The following POU6F2 variants were observed in gnomAD, a reference collection of about 807,000 sequenced individuals.
POU6F2 encodes POU class 6 homeobox 2.
Under a neutral mutation model 71.3 loss-of-function variants are expected in POU6F2, and 31 were observed. The ratio of observed to expected loss-of-function variants is 0.43; its 90% CI spans 0.33 to 0.59. POU6F2 has a LOEUF of 0.59. Ranked by LOEUF, POU6F2 falls within the 20% of genes least tolerant of loss-of-function variation. The pLI is 0.04. For synonymous variants in POU6F2, 347 were observed against 355.7 expected (o/e 0.98, Z 0.27); for missense variants, 783 against 856.8 (o/e 0.91, Z 1.07).
intron 1 of POU6F2, among the ~76,000 whole-genome samples, chr7:38,998,200 C>A (rs1341795777): frequency 6.6e-6 from 1 of 152,208 alleles, no homozygotes; most frequent in African/African-American, 2.4e-5. Context: ...AATATATGCA[C>A]TTAATTATTG....
At chr7:39,179,482 A>G (rs1192957720) in intron 2 of POU6F2, among the ~76,000 whole-genome samples, 3 of 152,222 alleles carry the variant, frequency 2.0e-5, no homozygotes, top group African/African-American at 7.2e-5. Flanking sequence ...GCCCAATTGA[A>G]TCTTTGCTAT....
chr7:38,985,414 A>G (rs760685639), intron 1 of POU6F2, among the ~76,000 whole-genome samples: 2 of 152,222 alleles, frequency 1.3e-5, no homozygotes, highest in South Asian at 2.1e-4. Flanking sequence ...CTTTGGGCCG[A>G]AACAATTTTA....
At chr7:39,198,989 A>G (rs1284248556) in intron 2 of POU6F2, among the ~76,000 whole-genome samples, 1 of 152,242 alleles carries the variant, frequency 6.6e-6, no homozygotes, top group Non-Finnish European at 1.5e-5. Flanking sequence ...ACTGGTGGAA[A>G]CTGCAAACAG....
chr7:39,400,046 A>C (rs1434895797), intron 5 of POU6F2, among the ~76,000 whole-genome samples: 1 of 152,134 alleles, frequency 6.6e-6, no homozygotes, highest in Non-Finnish European at 1.5e-5. Flanking sequence ...TGCTGAAATC[A>C]TTGGCCACTG....
intron 6 of POU6F2, among the ~76,000 whole-genome samples, chr7:39,416,814 T>TAAAAAAAAA (rs531942673): frequency 1.0e-3 from 143 of 142,486 alleles, no homozygotes; most frequent in African/African-American, 3.5e-3. Context: ...GTTAAAAATG[T>TAAAAAAAAA]AAAAAAAAAA....
intron 2 of POU6F2, among the ~76,000 whole-genome samples, chr7:39,122,983 C>T (rs1792075237): frequency 6.6e-6 from 1 of 152,166 alleles, no homozygotes; most frequent in Non-Finnish European, 1.5e-5. Flanking sequence ...AGCCACCGCA[C>T]CCGGTGATAT....
At chr7:39,150,010 C>G (rs1792717499) in intron 2 of POU6F2, among the ~76,000 whole-genome samples, 1 of 151,934 alleles carries the variant, frequency 6.6e-6, no homozygotes, top group Admixed American at 6.6e-5. Flanking sequence ...CTCAGCCTCC[C>G]GAGTAGCTGG....
At chr7:39,381,176 T>C (rs1222478762) in intron 5 of POU6F2, among the ~76,000 whole-genome samples, 1 of 152,190 alleles carries the variant, frequency 6.6e-6, no homozygotes, top group Admixed American at 6.5e-5. Flanking sequence ...GTGATTCTCC[T>C]GCCTCAGCCA....
At chr7:39,376,894 T>C (rs1446565716) in intron 5 of POU6F2, among the ~76,000 whole-genome samples, 1 of 149,656 alleles carries the variant, frequency 6.7e-6, no homozygotes, top group African/African-American at 2.4e-5. Context: ...TTAATATTTA[T>C]TCAGTATTTT....
At chr7:39,351,257 A>T (rs1279314691) in intron 5 of POU6F2, among the ~76,000 whole-genome samples, 1 of 152,198 alleles carries the variant, frequency 6.6e-6, no homozygotes, top group African/African-American at 2.4e-5. Flanking sequence ...ATTTTATGAT[A>T]TAATAAGACT....
chr7:39,247,028 C>T (rs1226464063), intron 4 of POU6F2, among the ~76,000 whole-genome samples: 1 of 150,248 alleles, frequency 6.7e-6, no homozygotes, highest in Non-Finnish European at 1.5e-5. Flanking sequence ...AGCCTGTAAC[C>T]ACTCTGACTG....
intron 1 of POU6F2, among the ~76,000 whole-genome samples, chr7:39,021,217 C>T (rs1004556465): frequency 3.3e-5 from 5 of 151,876 alleles, no homozygotes; most frequent in African/African-American, 7.2e-5. Flanking sequence ...AAAACCTTAT[C>T]TATTTCAATT....
rs1794533415 is a variant in POU6F2, at chr7:39,229,483, T to G, written c.598+21863T>G. ...CACTTGCTCATCCCGAGGTTTAATTTCCCAACAATGATTCCAGAAACACGT... is the reference window on the plus strand; with the variant it reads ...CACTTGCTCATCCCGAGGTTTAATTGCCCAACAATGATTCCAGAAACACGT... On this transcript the variant is annotated intron_variant, in intron 4 of 9. Transcript: ENST00000518318. Among the ~76,000 whole-genome samples the G allele has an allele frequency of 3.9e-5, 6 of 152,334 alleles. No individual in the cohort carries two copies. In the South Asian group the frequency reaches 1.2e-3, roughly 32 times the overall value.
intron 1 of POU6F2, among the ~76,000 whole-genome samples, chr7:38,986,834 C>A (rs1454110424): frequency 6.6e-6 from 1 of 152,142 alleles, no homozygotes; most frequent in Admixed American, 6.5e-5. Flanking sequence ...GCAATCCTTA[C>A]ACAACCCAAG....
At chr7:39,261,950 G>A (rs2128754708) in intron 4 of POU6F2, among the ~76,000 whole-genome samples, 1 of 152,222 alleles carries the variant, frequency 6.6e-6, no homozygotes, top group African/African-American at 2.4e-5. Context: ...TAGGCCTGTG[G>A]GAATCAGCTG....
chr7:39,100,046 GC>G, intron 2 of POU6F2, among the ~76,000 whole-genome samples: 1 of 152,312 alleles, frequency 6.6e-6, no homozygotes, highest in Non-Finnish European at 1.5e-5. Flanking sequence ...GCTCTTTTCT[GC>G]CCCTAAATGG....
intron 5 of POU6F2, among the ~76,000 whole-genome samples, chr7:39,383,776 C>G (rs1409509963): frequency 6.6e-6 from 1 of 152,216 alleles, no homozygotes; most frequent in African/African-American, 2.4e-5. Flanking sequence ...AAAGCTACAG[C>G]CATTACCAAA....
intron 4 of POU6F2, among the ~76,000 whole-genome samples, chr7:39,317,442 C>T (rs1248691446): frequency 6.6e-6 from 1 of 152,184 alleles, no homozygotes; most frequent in African/African-American, 2.4e-5. Context: ...TACATGGTGC[C>T]TGAACAAATG....
intron 4 of POU6F2, among the ~76,000 whole-genome samples, chr7:39,273,442 G>C (rs945667409): frequency 7.9e-5 from 12 of 152,292 alleles, no homozygotes; most frequent in South Asian, 6.2e-4. Flanking sequence ...GTCGAATCAA[G>C]ATTAAAACAT....
Sources: gnomAD v4.1 joint callset for allele counts (sites outside exome capture counted in the v4.1 genomes callset) on GRCh38, gnomAD v4.1.1 for gene constraint, MANE v1.5 for transcripts, NCBI Gene and HGNC (gene_info 2026-07-23, HGNC 2026-07-21) for gene names.